Variants in FRS2 observed in about 807,000 individuals in gnomAD.
The protein encoded by FRS2 is fibroblast growth factor receptor substrate 2, also known as FGFR signalling adaptor.
A neutral mutation model predicts 43.9 loss-of-function variants in FRS2; 8 were observed. The ratio of observed to expected loss-of-function variants is 0.18; its 90% CI spans 0.11 to 0.33. The LOEUF (loss-of-function observed/expected upper bound fraction) is 0.33. Among genes scored for constraint, FRS2 ranks in the 10% least tolerant of loss-of-function variants. The probability of loss-of-function intolerance (pLI) is 1.00; values close to 1 mark genes in which losing one functional copy is unlikely to be tolerated. For synonymous variants in FRS2, 219 were observed against 220.3 expected, an observed-to-expected ratio of 0.99 and a Z score of 0.05; for missense variants, 534 against 627.6, an observed-to-expected ratio of 0.85 and a Z score of 1.59.
At position 69,525,141 on chromosome 12, in the gene FRS2, A is replaced by C. The variant is rs79767101; in HGVS notation, c.-260-5724A>C. Among the ~76,000 whole-genome samples, 37 of 151,542 alleles carry C rather than the reference A, an allele frequency of 2.4e-4. 1 individual carries two copies. In the East Asian group the frequency reaches 6.6e-3, roughly 27 times the overall value. On this transcript the variant is annotated intron_variant, in intron 1 of 8. Coordinates refer to ENST00000549921, the MANE Select transcript of FRS2 (RefSeq NM_001278356.2). ...ATCTTGGAGAGTCCTCCACTCTGGA[A>C]GTTTTTACCTTGATGCTCTAAATCA...
rs78740135 is a variant in FRS2 at position 69,556,020 on chromosome 12, C to T, written c.-121-6160C>T. 3.8e-3 allele frequency among the ~76,000 whole-genome samples: 453 copies of T among 119,878 alleles called. 4 individuals are homozygous for T. Among genetic ancestry groups the T allele is most frequent in the African/African-American group, 0.013 (426 of 33,076 alleles). The allele number at this position is 119,878 out of a possible 152,430, so 78.6% of individuals were successfully genotyped here. A position where few individuals can be genotyped will look rare whatever the true frequency, so the allele number is the denominator to read the frequency against. ...AGTGTGTGTGTGGCGGGGGGGGGGG[C>T]GGTGTACACATGGTATACACATTTC... On this transcript the variant is annotated intron_variant, in intron 3 of 8. Coordinates refer to ENST00000549921, the MANE Select transcript of FRS2 (RefSeq NM_001278356.2).
chr12:69,527,680 G>A (rs887244534), intron 1 of FRS2, among the ~76,000 whole-genome samples: 3 of 152,172 alleles, frequency 2.0e-5, no homozygotes, highest in Admixed American at 6.5e-5. Flanking sequence ...CTTTTTGATT[G>A]GGAAATTCTG....
At chr12:69,568,561 C>CTCTCTCTCTCTCTG (rs1020070559) in intron 4 of FRS2, among the ~76,000 whole-genome samples, 1 of 151,924 alleles carries the variant, frequency 6.6e-6, no homozygotes, top group Non-Finnish European at 1.5e-5. Context: ...GGCTGTCTCT[C>CTCTCTCTCTCTCTG]TCTCTCTCTC....
chr12:69,493,722 A>AAAAAC (rs1364622976), intron 1 of FRS2, among the ~76,000 whole-genome samples: 5 of 152,236 alleles, frequency 3.3e-5, no homozygotes, highest in African/African-American at 4.8e-5. Context: ...ACTCCGCCTC[A>AAAAAC]AAAACAAAAC....
At chr12:69,569,445 C>G (rs1880568728) in intron 5 of FRS2, among the ~76,000 whole-genome samples, 1 of 152,142 alleles carries the variant, frequency 6.6e-6, no homozygotes, top group African/African-American at 2.4e-5. Flanking sequence ...CCTCAAGTCA[C>G]CCTCTGATTC....
intron 5 of FRS2, among the ~76,000 whole-genome samples, chr12:69,569,482 T>A (rs1341838076): frequency 6.6e-6 from 1 of 152,212 alleles, no homozygotes; most frequent in Admixed American, 6.5e-5. Flanking sequence ...CAAATTAATC[T>A]TCTTCTCTCA....
At chr12:69,523,880 A>G (rs1187517080) in intron 1 of FRS2, among the ~76,000 whole-genome samples, 1 of 152,184 alleles carries the variant, frequency 6.6e-6, no homozygotes, top group Non-Finnish European at 1.5e-5. Context: ...AACACTGGTC[A>G]CCACACTCCA....
intron 3 of FRS2, among the ~76,000 whole-genome samples, chr12:69,542,156 A>G (rs879582760): frequency 3.3e-5 from 5 of 152,202 alleles, no homozygotes; most frequent in Non-Finnish European, 7.3e-5. Flanking sequence ...CTTTACTGAC[A>G]GACATACTTA....
intron 1 of FRS2, among the ~76,000 whole-genome samples, chr12:69,507,972 C>T (rs1034241679): frequency 7.1e-6 from 1 of 140,508 alleles, no homozygotes; most frequent in African/African-American, 2.7e-5. Context: ...TGTGGTGAGC[C>T]GAGATCGCGC....
chr12:69,519,011 A>C (rs572681290), intron 1 of FRS2, among the ~76,000 whole-genome samples: 20 of 152,190 alleles, frequency 1.3e-4, no homozygotes, highest in African/African-American at 4.6e-4. Context: ...AAAAAAAAAA[A>C]AAAAGTTTTA....
intron 3 of FRS2, among the ~76,000 whole-genome samples, chr12:69,548,910 G>T (rs1878640326): frequency 6.6e-6 from 1 of 152,204 alleles, no homozygotes; most frequent in African/African-American, 2.4e-5. Context: ...AATCTGGTCT[G>T]CTGGTGCCTC....
At chr12:69,526,888 T>A (rs1171260973) in intron 1 of FRS2, among the ~76,000 whole-genome samples, 1 of 152,166 alleles carries the variant, frequency 6.6e-6, no homozygotes, top group African/African-American at 2.4e-5. Flanking sequence ...CACGCCTGGC[T>A]AATTTTTTGT....
intron 1 of FRS2, among the ~76,000 whole-genome samples, chr12:69,525,362 G>A (rs1876111589): frequency 6.6e-6 from 1 of 152,088 alleles, no homozygotes; most frequent in African/African-American, 2.4e-5. Flanking sequence ...TGACTATAGA[G>A]AGACTGTGTG....
chr12:69,494,867 G>A (rs1592935280), intron 1 of FRS2, among the ~76,000 whole-genome samples: 2 of 152,148 alleles, frequency 1.3e-5, no homozygotes, highest in African/African-American at 4.8e-5. Flanking sequence ...TCCACCTCCT[G>A]GGTTCAAGTG....
intron 1 of FRS2, among the ~76,000 whole-genome samples, chr12:69,515,174 CTTAA>C (rs1308154768): frequency 1.3e-5 from 2 of 152,234 alleles, no homozygotes; most frequent in Non-Finnish European, 2.9e-5. Context: ...GTGCTAACTA[CTTAA>C]TTAAACTGAC....
intron 1 of FRS2, among the ~76,000 whole-genome samples, chr12:69,485,648 A>G (rs1358290509): frequency 6.6e-6 from 1 of 151,662 alleles, no homozygotes; most frequent in Non-Finnish European, 1.5e-5. Context: ...ATGCCCGGCT[A>G]ATCAAGATGA....
At chr12:69,557,429 A>G (rs1733348770) in intron 3 of FRS2, among the ~76,000 whole-genome samples, 2 of 152,086 alleles carry the variant, frequency 1.3e-5, no homozygotes, top group Admixed American at 6.5e-5. Flanking sequence ...AAAAGCACAC[A>G]CCTTTGCTTT....
intron 3 of FRS2, among the ~76,000 whole-genome samples, chr12:69,536,101 C>CCTTTTTTTTTTTTTTTTTT (rs1877251782): frequency 1.1e-4 from 4 of 37,176 alleles, no homozygotes; most frequent in African/African-American, 3.6e-4. Flanking sequence ...TATTTTCATT[C>CCTTTTTTTTTTTTTTTTTT]TTTTTTTTTT....
At chr12:69,511,519 A>G (rs1437751736) in intron 1 of FRS2, among the ~76,000 whole-genome samples, 1 of 152,206 alleles carries the variant, frequency 6.6e-6, no homozygotes, top group Non-Finnish European at 1.5e-5. Flanking sequence ...CAGTTTTAGT[A>G]TATTCATTAT....
Sources: allele counts gnomAD v4.1 joint callset (sites outside exome capture counted in the v4.1 genomes callset), GRCh38; gene constraint gnomAD v4.1.1; transcripts MANE v1.5; gene names NCBI Gene and HGNC (gene_info 2026-07-23, HGNC 2026-07-21).